The following VEZT variants were observed in gnomAD, a reference collection of about 807,000 sequenced individuals.
The protein encoded by VEZT is vezatin.
VEZT carries 39 observed loss-of-function variants against 79.9 expected under a neutral mutation model. That is an observed-to-expected ratio of 0.49 (90% CI 0.38 to 0.64). The LOEUF (loss-of-function observed/expected upper bound fraction) is 0.64, where lower values mean the gene tolerates loss of function less well. Ranked by LOEUF, VEZT falls within the 30% of genes least tolerant of loss-of-function variation. VEZT has a pLI of 0.00. For missense variants in VEZT, 837 were observed against 893.1 expected (o/e 0.94, Z 0.80); for synonymous variants, 325 against 327.6 (o/e 0.99, Z 0.09).
At chr12:95,279,834 G>A (rs548383663) in intron 7 of VEZT, among the ~76,000 whole-genome samples, 1 of 128,434 alleles carries the variant, frequency 7.8e-6, no homozygotes, top group Non-Finnish European at 1.9e-5. Context: ...CTGGCCTCAA[G>A]TGAGCCTCCC....
chr12:95,298,069 G>A (rs558750198), intron 11 of VEZT, among the ~76,000 whole-genome samples: 12 of 151,944 alleles, frequency 7.9e-5, no homozygotes, highest in African/African-American at 2.7e-4. Context: ...GCAGTGAGCC[G>A]ACATCGCACC....
At chr12:95,249,064 G>GCCAC (rs2062122624) in intron 1 of VEZT, among the ~76,000 whole-genome samples, 1 of 152,076 alleles carries the variant, frequency 6.6e-6, no homozygotes, top group African/African-American at 2.4e-5. Flanking sequence ...TTGGGACATA[G>GCCAC]CCATACTCAT....
chr12:95,266,615 T>A lies in VEZT; in HGVS notation c.693T>A (p.Ile231=). 6.2e-7 allele frequency: 1 copy of A among 1,610,792 alleles called. No homozygotes were observed. The highest frequency in any genetic ancestry group is 1.1e-5 in the South Asian group (1 of 90,908). The change falls in exon 5 of 12, where the codon ATT becomes ATA. Residue 231 remains isoleucine (I), a synonymous_variant. Transcript: ENST00000436874. ...GTCTCATTCAAGAAACCGAAGTGAT[T>A]TCCAGAGGATTTACACTGTGAGTTC... The part of the protein sequence containing the change: ...ALRLIQETEV[I]SRGFTLVSAA...
At chr12:95,291,321 G>T (rs1436373077) in intron 9 of VEZT, among the ~76,000 whole-genome samples, 1 of 152,176 alleles carries the variant, frequency 6.6e-6, no homozygotes, top group Non-Finnish European at 1.5e-5. Context: ...TTGTTATTCA[G>T]AGTGGTCCCC....
At chr12:95,230,414 T>C (rs2059101168) in intron 1 of VEZT, among the ~76,000 whole-genome samples, 1 of 130,796 alleles carries the variant, frequency 7.6e-6, no homozygotes, top group South Asian at 2.5e-4. Context: ...TTCTTTTTTC[T>C]TTTTCTTTCT....
intron 7 of VEZT, among the ~76,000 whole-genome samples, chr12:95,280,447 C>T (rs2068762642): frequency 1.4e-5 from 2 of 146,938 alleles, no homozygotes; most frequent in Non-Finnish European, 3.0e-5. Context: ...CTTTCTGTCT[C>T]TCTCCCCCCC....
chr12:95,261,874 G>A (rs2064582527), intron 3 of VEZT, among the ~76,000 whole-genome samples: 1 of 152,208 alleles, frequency 6.6e-6, no homozygotes, highest in South Asian at 2.1e-4. Context: ...TAATGGAGAG[G>A]AGGATGATAA....
chr12:95,294,875 G>T (rs945917522), intron 10 of VEZT, among the ~76,000 whole-genome samples: 7 of 151,910 alleles, frequency 4.6e-5, no homozygotes, highest in South Asian at 2.1e-4. Context: ...ATTCTTAATT[G>T]CAAATGGAAA....
At chr12:95,257,465 A>T (rs980105856) in intron 3 of VEZT, among the ~76,000 whole-genome samples, 9 of 152,156 alleles carry the variant, frequency 5.9e-5, no homozygotes, top group African/African-American at 1.9e-4. Flanking sequence ...TTGAAACGTT[A>T]TTTGTTAGAT....
At chr12:95,295,209 G>A (rs922561169) in intron 10 of VEZT, among the ~76,000 whole-genome samples, 6 of 152,192 alleles carry the variant, frequency 3.9e-5, no homozygotes, top group Admixed American at 1.3e-4. Flanking sequence ...GGCCCAGGCT[G>A]GAGTGCAGGG....
chr12:95,225,373 T>C (rs1206506715), intron 1 of VEZT, among the ~76,000 whole-genome samples: 2 of 152,130 alleles, frequency 1.3e-5, no homozygotes, highest in African/African-American at 2.4e-5. Context: ...GCTAATGCTG[T>C]GAAACCCCAT....
chr12:95,273,496 A>G (rs2138902110), intron 6 of VEZT, among the ~76,000 whole-genome samples: 1 of 152,336 alleles, frequency 6.6e-6, no homozygotes, highest in South Asian at 2.1e-4. Flanking sequence ...GCTAAGGAAT[A>G]GAGGTGGAAA....
intron 6 of VEZT, among the ~76,000 whole-genome samples, chr12:95,270,701 T>C (rs2066418893): frequency 6.6e-6 from 1 of 152,204 alleles, no homozygotes; most frequent in Non-Finnish European, 1.5e-5. Context: ...AATAATAACA[T>C]CATCTTCCTT....
chr12:95,262,588 A>T (rs1210166582), intron 3 of VEZT, among the ~76,000 whole-genome samples: 1 of 152,186 alleles, frequency 6.6e-6, no homozygotes, highest in Non-Finnish European at 1.5e-5. Flanking sequence ...TATATTTTCC[A>T]TGTCGTGCCC....
At chr12:95,290,092 A>C (rs936952426) in intron 9 of VEZT, among the ~76,000 whole-genome samples, 7 of 152,200 alleles carry the variant, frequency 4.6e-5, no homozygotes, top group Non-Finnish European at 8.8e-5. Flanking sequence ...CACAGAACCC[A>C]TTCAAATTTC....
At chr12:95,224,138 G>A (rs1235905280) in intron 1 of VEZT, 1 of 455,892 alleles carries the variant, frequency 2.2e-6, no homozygotes. Flanking sequence ...GATCATTATG[G>A]ACTGCATCAC....
chr12:95,289,605 C>A (rs569328213), intron 9 of VEZT, among the ~76,000 whole-genome samples: 1 of 152,034 alleles, frequency 6.6e-6, no homozygotes, highest in East Asian at 1.9e-4. Flanking sequence ...GTATGTGTGG[C>A]TTTTGCTTAT....
At chr12:95,259,273 T>C (rs1263667131) in intron 3 of VEZT, among the ~76,000 whole-genome samples, 1 of 152,150 alleles carries the variant, frequency 6.6e-6, no homozygotes, top group Non-Finnish European at 1.5e-5. Context: ...CTTCAGCCTA[T>C]TGTGTCTCTT....
In VEZT at chr12:95,269,973, A is replaced by G. The variant is rs2066277643; in HGVS notation, c.711-78A>G. On this transcript the variant is annotated intron_variant, in intron 5 of 11. Transcript: ENST00000436874. ...GAATTTGTTTTCTACATTTAATAGA[A>G]TTGTGGATTTAGGAAACAAAAACTT... is the stretch of plus-strand genomic sequence containing the variant. 1.1e-5 allele frequency: 17 copies of G among 1,493,116 alleles called. No individual in the cohort carries two copies. The East Asian group carries it at 4.1e-4, about 36-fold the overall frequency. The allele number at this position is 1,493,116 out of a possible 1,614,324, so 92.5% of individuals were successfully genotyped here.
Sources: allele counts gnomAD v4.1 joint callset (sites outside exome capture counted in the v4.1 genomes callset), GRCh38; gene constraint gnomAD v4.1.1; transcripts MANE v1.5; gene names NCBI Gene and HGNC (gene_info 2026-07-23, HGNC 2026-07-21).